ACSS2: variants seen among roughly 807,000 people sequenced by gnomAD.
ACSS2 encodes the protein acyl-CoA synthetase short chain family member 2, also known as acetyl-coenzyme A synthetase, cytoplasmic.
ACSS2 carries 58 observed loss-of-function variants against 90.6 expected under a neutral mutation model. The observed-to-expected ratio is 0.64, with a 90% CI of 0.52 to 0.80. ACSS2 has a LOEUF of 0.80. Among genes scored for constraint, ACSS2 ranks in the 30% least tolerant of loss-of-function variants. The pLI, the probability that ACSS2 is intolerant of heterozygous loss-of-function variation, is 0.00. For missense variants in ACSS2, 759 were observed against 912.0 expected (o/e 0.83, Z 2.16); for synonymous variants, 300 against 330.9 (o/e 0.91, Z 1.01).
chr20:34,927,451 G>C lies in ACSS2; in HGVS notation c.*237G>C. The C allele has an allele frequency of 1.7e-6, 1 of 575,566 alleles. No homozygotes were observed. The highest frequency in any genetic ancestry group is 3.1e-6 in the Non-Finnish European group (1 of 325,044). The allele number at this position is 575,566 out of a possible 1,614,324, so 35.7% of individuals were successfully genotyped here. On this transcript the variant is annotated 3_prime_UTR_variant, in exon 18 of 18. Coordinates refer to ENST00000360596, the MANE Select transcript of ACSS2 (RefSeq NM_018677.4). The surrounding 1 kb of genome is among the most constrained non-coding windows in gnomAD (Gnocchi z 4.2). Reference sequence around the variant, plus strand: ...GTGCCTCCAGACTGCAGAGCTCTCAGAACCCAGAACAGAGACGAAAAGGCT... The same window carrying C: ...GTGCCTCCAGACTGCAGAGCTCTCACAACCCAGAACAGAGACGAAAAGGCT...
At chr20:34,891,190 A>G (rs926715395) in intron 2 of ACSS2, among the ~76,000 whole-genome samples, 4 of 152,190 alleles carry the variant, frequency 2.6e-5, no homozygotes, top group Non-Finnish European at 4.4e-5. Context: ...ACAACAGCAT[A>G]TCTATTGATT....
chr20:34,927,002 T>C lies in ACSS2; in HGVS notation c.1978+51T>C. The stretch of plus-strand genomic sequence containing the variant: ...GGGATGGGCTGAGGCCTGGTGGTGG[T>C]GGGGTGTGCGTGGATGAAAGCCTTT... On this transcript the variant is annotated intron_variant, in intron 17 of 17. Transcript: ENST00000360596. This position sits in a 1 kb window ranked among gnomAD's most constrained non-coding sequence, Gnocchi z 4.2. 1 of 1,613,830 alleles carries C rather than the reference T, an allele frequency of 6.2e-7. No individual in the cohort carries two copies. The highest frequency in any genetic ancestry group is 1.1e-5 in the South Asian group (1 of 91,068).
In ACSS2 at chr20:34,927,090, A is replaced by AAATC; in HGVS notation, c.1984_1987dup (p.Met663AsnfsTer13). On this transcript the variant is annotated frameshift_variant, in exon 18 of 18. Coordinates refer to ENST00000360596, the MANE Select transcript of ACSS2 (RefSeq NM_018677.4). LOFTEE classifies it high-confidence loss of function. This position sits in a 1 kb window ranked among gnomAD's most constrained non-coding sequence, Gnocchi z 4.2. ...CTAGAGGTCTGTGGTTCCCCAGGGA[A>AAATC]AATCATGAGGCGAGTGCTTCGGAAG... The AAATC allele has an allele frequency of 6.2e-7, 1 of 1,614,106 alleles. No individual in the cohort carries two copies. The highest frequency in any genetic ancestry group is 1.7e-5 in the Admixed American group (1 of 60,016).
rs770207216 is a variant in ACSS2, at chr20:34,920,571, C to G, written c.1005C>G (p.Leu335=). ...TTCACACAGTTGGGGGCTACATGCTCTATGTAGCCACAACCTTCAAGTATG... is the reference window on the plus strand; with the variant it reads ...TTCACACAGTTGGGGGCTACATGCTGTATGTAGCCACAACCTTCAAGTATG... ...GVVHTVGGYM[L]YVATTFKYVF... Residue 335 remains leucine, a synonymous_variant, in exon 9 of 18, where the codon CTC becomes CTG. Transcript: ENST00000360596. The G allele has an allele frequency of 1.2e-6, 2 of 1,613,978 alleles. No homozygotes were observed. The highest frequency in any genetic ancestry group is 1.7e-6 in the Non-Finnish European group (2 of 1,180,010).
At chr20:34,901,263 T>G (rs1297009055) in intron 2 of ACSS2, among the ~76,000 whole-genome samples, 1 of 152,176 alleles carries the variant, frequency 6.6e-6, no homozygotes. Flanking sequence ...TTTTTCTCTT[T>G]TCTTTTCTTT....
intron 8 of ACSS2, among the ~76,000 whole-genome samples, 192 bp from the exon 9 acceptor site, chr20:34,920,347 T>C (rs920513427): frequency 3.9e-5 from 6 of 152,052 alleles, no homozygotes; most frequent in African/African-American, 1.4e-4. Context: ...ATATGTGTCA[T>C]CAGGAGTGTG....
chr20:34,888,018 C>G (rs1485838536), intron 2 of ACSS2, among the ~76,000 whole-genome samples: 1 of 129,122 alleles, frequency 7.7e-6, no homozygotes, highest in Non-Finnish European at 1.5e-5. Flanking sequence ...TGCAGTGAGC[C>G]GAGATCAAGC....
chr20:34,903,847 G>A (rs1189232811), intron 2 of ACSS2, among the ~76,000 whole-genome samples: 1 of 149,104 alleles, frequency 6.7e-6, no homozygotes, highest in Non-Finnish European at 1.5e-5. Context: ...GACCAGCCTG[G>A]GCAACATAGT....
chr20:34,896,202 A>G (rs576358465), intron 2 of ACSS2, among the ~76,000 whole-genome samples: 2 of 152,344 alleles, frequency 1.3e-5, no homozygotes, highest in South Asian at 2.1e-4. Flanking sequence ...CAAGGGGAAC[A>G]TGCAAAAGGT....
chr20:34,926,799 C>T (rs2081328241), intron 16 of ACSS2, 78 bp from the exon 17 acceptor site: 1 of 1,479,684 alleles, frequency 6.8e-7, no homozygotes, highest in Non-Finnish European at 9.4e-7. Context: ...AGGTGGGGAA[C>T]AAAGCCATCT....
At chr20:34,900,376 T>C (rs1439713427) in intron 2 of ACSS2, among the ~76,000 whole-genome samples, 3 of 151,366 alleles carry the variant, frequency 2.0e-5, no homozygotes, top group Non-Finnish European at 4.4e-5. Context: ...GGTTTGGCCA[T>C]GTTGGCCAGG....
chr20:34,905,742 C>G (rs1192579991), intron 2 of ACSS2, among the ~76,000 whole-genome samples: 1 of 152,170 alleles, frequency 6.6e-6, no homozygotes, highest in African/African-American at 2.4e-5. Context: ...CCCTATTGTT[C>G]CCCTGAAACT....
chr20:34,880,703 T>C (rs926148344), intron 1 of ACSS2, among the ~76,000 whole-genome samples: 1 of 152,112 alleles, frequency 6.6e-6, no homozygotes, highest in African/African-American at 2.4e-5. Flanking sequence ...GGCTTAATAA[T>C]TTTTTTAAAT....
intron 15 of ACSS2, 106 bp downstream of exon 15, chr20:34,925,872 T>G: frequency 1.5e-6 from 2 of 1,315,730 alleles, no homozygotes; most frequent in Non-Finnish European, 2.1e-6. Context: ...CCAGACCATG[T>G]ACTAAGTGTA....
chr20:34,902,856 G>T (rs776771207), intron 2 of ACSS2, among the ~76,000 whole-genome samples: 5 of 150,608 alleles, frequency 3.3e-5, no homozygotes, highest in Non-Finnish European at 5.9e-5. Flanking sequence ...CTCCTGAGTA[G>T]CTGAAACTAT....
chr20:34,926,043 T>TG, intron 15 of ACSS2, 62 bp from the exon 16 acceptor site: 2 of 1,568,836 alleles, frequency 1.3e-6, no homozygotes, highest in Non-Finnish European at 1.8e-6. Flanking sequence ...TGGGTACAGA[T>TG]GGAGCATGGG....
chr20:34,919,498 T>A lies in ACSS2; in HGVS notation c.898T>A (p.Cys300Ser), dbSNP rs61359113. 3.3e-3 allele frequency: 5,358 copies of A among 1,612,348 alleles called. 178 individuals carry two copies. In the African/African-American group the frequency reaches 0.064, roughly 19 times the overall value. The change falls in exon 8 of 18, where the codon TGT (cysteine) becomes AGT (serine). Residue 300 changes from cysteine to serine, a missense_variant. Coordinates refer to ENST00000360596, the MANE Select transcript of ACSS2 (RefSeq NM_018677.4). ...GCTCATGCAAGAGGCAGGGGATGAGTGTGAGCCCGAGTGGTGTGATGCCGA... is the reference window on the plus strand; with the variant it reads ...GCTCATGCAAGAGGCAGGGGATGAGAGTGAGCCCGAGTGGTGTGATGCCGA... ...HELMQEAGDE[C>S]EPEWCDAEDP... is the part of the protein sequence containing the mutation.
chr20:34,909,366 TCAAAAA>T (rs1319255353), intron 2 of ACSS2, among the ~76,000 whole-genome samples: 6 of 152,032 alleles, frequency 3.9e-5, no homozygotes, highest in African/African-American at 1.5e-4. Flanking sequence ...AGACCCTGTC[TCAAAAA>T]CAACAACAAC....
intron 2 of ACSS2, among the ~76,000 whole-genome samples, chr20:34,892,941 A>T (rs2080369664): frequency 6.6e-6 from 1 of 152,206 alleles, no homozygotes. Context: ...CAGGTTCCTC[A>T]TATGATGTGG....
Sources: gnomAD v4.1 joint callset for allele counts (sites outside exome capture counted in the v4.1 genomes callset) on GRCh38, gnomAD v4.1.1 for gene constraint, Gnocchi (gnomAD v3.1) non-coding constraint, MANE v1.5 for transcripts, NCBI Gene and HGNC (gene_info 2026-07-23, HGNC 2026-07-21) for gene names.